The following EHBP1 variants were observed in gnomAD, a reference collection of about 807,000 sequenced individuals.
The protein encoded by EHBP1 is EH domain-binding protein 1.
In EHBP1, 55 loss-of-function variants were observed where a neutral mutation model predicts 144.0. That is an observed-to-expected ratio of 0.38 (90% CI 0.31 to 0.48). The LOEUF is 0.48. Among genes scored for constraint, EHBP1 ranks in the 20% least tolerant of loss-of-function variants. The probability of loss-of-function intolerance (pLI) is 0.98; values close to 1 mark genes in which losing one functional copy is unlikely to be tolerated. For synonymous variants in EHBP1, 469 were observed against 472.7 expected (o/e 0.99, Z 0.10); for missense variants, 1,200 against 1,364.2 (o/e 0.88, Z 1.90).
intron 1 of EHBP1, among the ~76,000 whole-genome samples, chr2:62,681,222 C>T (rs2033502718): frequency 6.7e-6 from 1 of 150,212 alleles, no homozygotes; most frequent in African/African-American, 2.5e-5. Flanking sequence ...AGGAGAATCG[C>T]TTGAACCTGG....
At chr2:62,688,492 T>C (rs2033792959) in intron 1 of EHBP1, among the ~76,000 whole-genome samples, 1 of 152,182 alleles carries the variant, frequency 6.6e-6, no homozygotes. Flanking sequence ...GAACATTCAA[T>C]ATCCTCCTTC....
chr2:62,727,422 G>A (rs2036932344), intron 2 of EHBP1, among the ~76,000 whole-genome samples: 1 of 151,538 alleles, frequency 6.6e-6, no homozygotes, highest in Admixed American at 6.6e-5. Context: ...TCTAATTTTG[G>A]AACATTTTTG....
intron 7 of EHBP1, among the ~76,000 whole-genome samples, chr2:62,831,754 G>A (rs2046837436): frequency 6.6e-6 from 1 of 152,118 alleles, no homozygotes; most frequent in African/African-American, 2.4e-5. Context: ...TTCTATTATT[G>A]CTGTGAAAAT....
intron 10 of EHBP1, among the ~76,000 whole-genome samples, chr2:62,910,842 A>G (rs967524072): frequency 6.6e-6 from 1 of 152,222 alleles, no homozygotes; most frequent in Non-Finnish European, 1.5e-5. Flanking sequence ...TCAGTAATGC[A>G]TATTACCTTC....
intron 21 of EHBP1, among the ~76,000 whole-genome samples, chr2:63,042,850 T>G (rs1283178593): frequency 6.6e-6 from 1 of 151,990 alleles, no homozygotes; most frequent in Non-Finnish European, 1.5e-5. Flanking sequence ...TTAAAATTTA[T>G]GTTTTCTTGG....
At chr2:62,830,344 T>G (rs13026938) in intron 6 of EHBP1, among the ~76,000 whole-genome samples, 17,085 of 151,908 alleles carry the variant, frequency 0.11, 1,261 homozygotes, top group East Asian at 0.19. Context: ...CCATGTTGGT[T>G]AGGCTGGTCT....
chr2:62,970,558 G>A (rs2058452326), intron 14 of EHBP1, among the ~76,000 whole-genome samples: 1 of 152,084 alleles, frequency 6.6e-6, no homozygotes, highest in African/African-American at 2.4e-5. Flanking sequence ...AATGATCTCA[G>A]CAGCTACACT....
intron 7 of EHBP1, among the ~76,000 whole-genome samples, chr2:62,847,392 A>T (rs2152744567): frequency 6.6e-6 from 1 of 152,348 alleles, no homozygotes; most frequent in Admixed American, 6.5e-5. Context: ...AGCTTCTGAA[A>T]AAAAGCAAAA....
At chr2:62,694,892 C>G (rs1419016945) in intron 1 of EHBP1, among the ~76,000 whole-genome samples, 1 of 151,990 alleles carries the variant, frequency 6.6e-6, no homozygotes, top group Non-Finnish European at 1.5e-5. Context: ...ACCAATATTC[C>G]CAGAATTTTG....
At chr2:62,961,145 T>G (rs967861755) in intron 14 of EHBP1, among the ~76,000 whole-genome samples, 1 of 152,202 alleles carries the variant, frequency 6.6e-6, no homozygotes, top group Admixed American at 6.5e-5. Flanking sequence ...CAGACTCCAC[T>G]TAAGTTATCC....
intron 1 of EHBP1, among the ~76,000 whole-genome samples, chr2:62,698,799 T>C (rs2034186975): frequency 6.6e-6 from 1 of 152,164 alleles, no homozygotes; most frequent in Non-Finnish European, 1.5e-5. Context: ...GCCCTGGAAT[T>C]TTTCTCTATC....
chr2:62,875,534 A>C (rs1016876105), intron 10 of EHBP1, among the ~76,000 whole-genome samples: 19 of 152,248 alleles, frequency 1.2e-4, no homozygotes, highest in Admixed American at 1.2e-3. Context: ...ATCAGCCCAC[A>C]CAGATGAGAA....
chr2:62,915,389 G>T (rs2054528810), intron 10 of EHBP1, among the ~76,000 whole-genome samples: 1 of 151,982 alleles, frequency 6.6e-6, no homozygotes, highest in Non-Finnish European at 1.5e-5. Flanking sequence ...TTCAATAATA[G>T]GGCTATAGGA....
At chr2:63,003,247 T>C (rs2059916840) in intron 19 of EHBP1, among the ~76,000 whole-genome samples, 1 of 151,996 alleles carries the variant, frequency 6.6e-6, no homozygotes, top group African/African-American at 2.4e-5. Context: ...GTAATTGAAT[T>C]AGCAGAGCAG....
chr2:63,012,429 T>G (rs756943477), intron 19 of EHBP1, among the ~76,000 whole-genome samples: 1 of 152,144 alleles, frequency 6.6e-6, no homozygotes, highest in Non-Finnish European at 1.5e-5. Context: ...TTAGGTTTGA[T>G]TCTAAGCAAA....
At chr2:62,779,922 C>T (rs1001219800) in intron 5 of EHBP1, among the ~76,000 whole-genome samples, 5 of 152,094 alleles carry the variant, frequency 3.3e-5, no homozygotes, top group Non-Finnish European at 5.9e-5. Context: ...CTTATTTCAT[C>T]AATTCTTCTA....
At chr2:62,749,389 T>C (rs1337996182) in intron 3 of EHBP1, among the ~76,000 whole-genome samples, 1 of 152,254 alleles carries the variant, frequency 6.6e-6, no homozygotes, top group Non-Finnish European at 1.5e-5. Context: ...CTATCATTAA[T>C]GGACATTTGG....
Position 62,879,025 on chromosome 2 carries a change from A to C in EHBP1, c.1185+4493A>C, listed in dbSNP as rs188969886. Among the ~76,000 whole-genome samples, 348 of 152,170 alleles carry C rather than the reference A, an allele frequency of 2.3e-3. 12 individuals are homozygous for C. The highest frequency in any genetic ancestry group is 0.02 in the Admixed American group (313 of 15,284). Reference sequence around the variant, plus strand: ...AGTGTGAGACGCTGTCTCAAAAAAAAAAAAAACAAAAAACTACATGTTTAT... The same window carrying C: ...AGTGTGAGACGCTGTCTCAAAAAAACAAAAAACAAAAAACTACATGTTTAT... On this transcript the variant is annotated intron_variant, in intron 10 of 22. Transcript: ENST00000431489.
chr2:62,705,890 C>G lies in EHBP1; in HGVS notation c.-458C>G, dbSNP rs1469164548. 1 of 156,324 alleles carries G rather than the reference C, an allele frequency of 6.4e-6. No homozygotes were observed. Among genetic ancestry groups the G allele is most frequent in the African/African-American group, 2.4e-5 (1 of 41,012 alleles). The allele number at this position is 156,324 out of a possible 1,614,324, so 9.7% of individuals were successfully genotyped here. ...GGGGCGCCGTCCGCCTGAGGGGCTG[C>G]AGATCCCGGCTACCGCGAGCGCCGT... is the stretch of plus-strand genomic sequence containing the variant. On this transcript the variant is annotated 5_prime_UTR_variant, in exon 1 of 23. Coordinates refer to ENST00000431489, the MANE Select transcript of EHBP1 (RefSeq NM_001142616.3).
Sources: allele counts gnomAD v4.1 joint callset (sites outside exome capture counted in the v4.1 genomes callset), GRCh38; gene constraint gnomAD v4.1.1; transcripts MANE v1.5; gene names NCBI Gene and HGNC (gene_info 2026-07-23, HGNC 2026-07-21).